Variants in PRKAG2 observed in about 807,000 individuals in gnomAD.
PRKAG2 encodes protein kinase AMP-activated non-catalytic subunit gamma 2, also known as 5'-AMP-activated protein kinase subunit gamma-2.
A neutral mutation model predicts 69.6 loss-of-function variants in PRKAG2; 26 were observed. The ratio of observed to expected loss-of-function variants is 0.37; its 90% CI spans 0.27 to 0.52. The LOEUF (loss-of-function observed/expected upper bound fraction) is 0.52. PRKAG2 is among the 20% of genes least tolerant of loss of function. The pLI is 0.90. For synonymous variants in PRKAG2, 293 were observed against 285.0 expected (o/e 1.03, Z -0.28); for missense variants, 557 against 740.0 (o/e 0.75, Z 2.87).
chr7:151,712,728 G>A (rs138226176), intron 3 of PRKAG2, among the ~76,000 whole-genome samples: 72 of 152,328 alleles, frequency 4.7e-4, no homozygotes, highest in African/African-American at 1.5e-3. Flanking sequence ...TCAGTCACCC[G>A]GGGCCACGCT....
At chr7:151,605,439 A>T (rs1420732369) in intron 5 of PRKAG2, among the ~76,000 whole-genome samples, 2 of 152,086 alleles carry the variant, frequency 1.3e-5, no homozygotes, top group Non-Finnish European at 2.9e-5. Flanking sequence ...AAATTTTTTT[A>T]AATTAAATTT....
chr7:151,832,221 GAGGAGGGA>G (rs1166443929), intron 1 of PRKAG2, among the ~76,000 whole-genome samples: 6 of 122,278 alleles, frequency 4.9e-5, no homozygotes, highest in African/African-American at 1.5e-4. Context: ...AAGAGGAGGG[GAGGAGGGA>G]AGGAGAGGAG....
chr7:151,750,088 C>T (rs562064601), intron 3 of PRKAG2, among the ~76,000 whole-genome samples: 1 of 131,342 alleles, frequency 7.6e-6, no homozygotes, highest in East Asian at 2.2e-4. Flanking sequence ...CACAGCAAGA[C>T]TCCATCTCAA....
chr7:151,715,845 G>A (rs1233223501), intron 3 of PRKAG2, among the ~76,000 whole-genome samples: 1 of 152,092 alleles, frequency 6.6e-6, no homozygotes, highest in African/African-American at 2.4e-5. Flanking sequence ...AGGGCGGGGC[G>A]GGGCAAGGAG....
At chr7:151,570,701 G>A (rs1463293378) in intron 9 of PRKAG2, among the ~76,000 whole-genome samples, 1 of 152,098 alleles carries the variant, frequency 6.6e-6, no homozygotes, top group Non-Finnish European at 1.5e-5. Flanking sequence ...ACTGCATTGT[G>A]GGCATCTTTC....
chr7:151,571,574 A>G (rs537056041), intron 9 of PRKAG2, among the ~76,000 whole-genome samples: 2 of 152,310 alleles, frequency 1.3e-5, no homozygotes, highest in East Asian at 3.9e-4. Context: ...TTACTACAAA[A>G]TATCATGTAA....
chr7:151,688,313 G>A (rs1046677559), intron 3 of PRKAG2, among the ~76,000 whole-genome samples: 2 of 152,214 alleles, frequency 1.3e-5, no homozygotes, highest in African/African-American at 4.8e-5. Flanking sequence ...CGAGATTTCA[G>A]AAATGTCATT....
intron 1 of PRKAG2, among the ~76,000 whole-genome samples, chr7:151,826,468 C>G (rs1158293524): frequency 6.6e-6 from 1 of 152,146 alleles, no homozygotes; most frequent in East Asian, 1.9e-4. Context: ...CAGATGTGAG[C>G]CACCGCGCCT....
At chr7:151,758,736 A>C (rs2075247661) in intron 3 of PRKAG2, among the ~76,000 whole-genome samples, 2 of 152,206 alleles carry the variant, frequency 1.3e-5, no homozygotes, top group African/African-American at 4.8e-5. Context: ...AAAGCTCAAT[A>C]TGTGATTTTT....
intron 6 of PRKAG2, among the ~76,000 whole-genome samples, chr7:151,587,481 A>C (rs1427272192): frequency 6.6e-6 from 1 of 152,102 alleles, no homozygotes; most frequent in African/African-American, 2.4e-5. Context: ...GAGGAAGAAG[A>C]ATCATCTCAT....
At chr7:151,723,799 G>A (rs1022664977) in intron 3 of PRKAG2, among the ~76,000 whole-genome samples, 13 of 152,164 alleles carry the variant, frequency 8.5e-5, no homozygotes, top group African/African-American at 3.1e-4. Context: ...GTCTCCCTGA[G>A]CCATGATGCC....
chr7:151,683,542 C>T (rs994459502), intron 3 of PRKAG2, among the ~76,000 whole-genome samples: 3 of 152,212 alleles, frequency 2.0e-5, no homozygotes, highest in African/African-American at 7.2e-5. Context: ...ATGTATTCTG[C>T]TGACTGTTGT....
intron 1 of PRKAG2, among the ~76,000 whole-genome samples, chr7:151,866,534 T>C (rs1014897379): frequency 6.6e-6 from 1 of 152,184 alleles, no homozygotes; most frequent in African/African-American, 2.4e-5. Context: ...CCACCCCAGA[T>C]GGTATCTGAT....
rs541469643 is a variant in PRKAG2 at position 151,829,994 on chromosome 7, G to C, written c.115-43453C>G. On this transcript the variant is annotated intron_variant, in intron 1 of 15. Coordinates refer to ENST00000287878, the MANE Select transcript of PRKAG2 (RefSeq NM_016203.4). Reference sequence around the variant, plus strand: ...CATTGGTCATTAGTGATGTCAGCTGGGGAGGGGCCTGGACAGAACCACACT... The same window carrying C: ...CATTGGTCATTAGTGATGTCAGCTGCGGAGGGGCCTGGACAGAACCACACT... Among the ~76,000 whole-genome samples, 423 of 151,984 alleles carry C rather than the reference G, an allele frequency of 2.8e-3. 3 individuals are homozygous for C. The highest frequency in any genetic ancestry group is 4.6e-3 in the Non-Finnish European group (310 of 67,866).
Position 151,563,606 on chromosome 7 carries a change from G to T in PRKAG2, c.1584+472C>A, listed in dbSNP as rs181200318. Among the ~76,000 whole-genome samples, 19 of 152,266 alleles carry T rather than the reference G, an allele frequency of 1.2e-4. No individual in the cohort carries two copies. The East Asian group carries it at 3.5e-3, about 28-fold the overall frequency. ...ATACATCGATCTATTTAGAGACAGG[G>T]TCTTGCTCTGCTGTCGAGACTGGAG... On this transcript the variant is annotated intron_variant, in intron 14 of 15. Coordinates refer to ENST00000287878, the MANE Select transcript of PRKAG2 (RefSeq NM_016203.4).
chr7:151,755,516 G>A (rs1020791174), intron 3 of PRKAG2, among the ~76,000 whole-genome samples: 1 of 152,074 alleles, frequency 6.6e-6, no homozygotes, highest in African/African-American at 2.4e-5. Context: ...CTGGGGCGGC[G>A]TCAAGGGGTT....
intron 1 of PRKAG2, among the ~76,000 whole-genome samples, chr7:151,844,968 A>C (rs2079396105): frequency 6.6e-6 from 1 of 151,634 alleles, no homozygotes. Flanking sequence ...CGGGGACGTC[A>C]CAGCTCCTCT....
intron 3 of PRKAG2, among the ~76,000 whole-genome samples, chr7:151,758,590 A>G (rs1478516699): frequency 6.6e-6 from 1 of 152,194 alleles, no homozygotes; most frequent in African/African-American, 2.4e-5. Context: ...AGGTCCCCAG[A>G]GACATGGTGT....
rs75622582 is a variant in PRKAG2 at position 151,847,511 on chromosome 7, G to T, written c.114+28996C>A. 5.8e-3 allele frequency among the ~76,000 whole-genome samples: 881 copies of T among 152,166 alleles called. 12 individuals carry two copies. Among genetic ancestry groups the T allele is most frequent in the African/African-American group, 0.02 (832 of 41,520 alleles). On this transcript the variant is annotated intron_variant, in intron 1 of 15. Transcript: ENST00000287878. ...GAACTTGTCCTTCCCACAGGACATC[G>T]ACACCTGAGACCCTGTGAAGCACCC...
Sources: gnomAD v4.1 joint callset for allele counts (sites outside exome capture counted in the v4.1 genomes callset) on GRCh38, gnomAD v4.1.1 for gene constraint, MANE v1.5 for transcripts, NCBI Gene and HGNC (gene_info 2026-07-23, HGNC 2026-07-21) for gene names.